The following HCN1 variants were observed in gnomAD, a reference collection of about 807,000 sequenced individuals.
HCN1 encodes the protein hyperpolarization activated cyclic nucleotide gated potassium channel 1, also known as potassium/sodium hyperpolarization-activated cyclic nucleotide-gated channel 1.
HCN1 carries 13 observed loss-of-function variants against 78.9 expected under a neutral mutation model. That is an observed-to-expected ratio of 0.16 (90% CI 0.11 to 0.26). The LOEUF (loss-of-function observed/expected upper bound fraction) is 0.26, where lower values mean the gene tolerates loss of function less well. Ranked by LOEUF, HCN1 falls within the 10% of genes least tolerant of loss-of-function variation. HCN1 has a pLI of 1.00. For missense variants in HCN1, 810 were observed against 1,154.3 expected, an observed-to-expected ratio of 0.70 and a Z score of 4.32; for synonymous variants, 552 against 455.5, an observed-to-expected ratio of 1.21 and a Z score of -2.70.
intron 6 of HCN1, among the ~76,000 whole-genome samples, chr5:45,276,610 T>A (rs900963055): frequency 6.6e-6 from 1 of 152,108 alleles, no homozygotes; most frequent in Non-Finnish European, 1.5e-5. Context: ...ACCTGTACCT[T>A]AGGCAATTGT....
At position 45,374,020 on chromosome 5, in the gene HCN1, T is replaced by A. The variant is rs187749316; in HGVS notation, c.1231-20774A>T. On this transcript the variant is annotated intron_variant, in intron 4 of 7. Transcript: ENST00000303230. ...TATATATTATATACATAATATATAT[T>A]ATATATATTATATACATAATATATA... Among the ~76,000 whole-genome samples the A allele has an allele frequency of 4.3e-3, 346 of 81,090 alleles. 2 individuals carry two copies. Among genetic ancestry groups the A allele is most frequent in the Middle Eastern group, 0.019 (1 of 52 alleles). 53.2% of individuals were successfully genotyped at this position (81,090 alleles called of 152,430 possible). A position where few individuals can be genotyped will look rare whatever the true frequency, so the allele number is the denominator to read the frequency against.
At chr5:45,397,197 T>C (rs1739703461) in intron 3 of HCN1, among the ~76,000 whole-genome samples, 2 of 152,148 alleles carry the variant, frequency 1.3e-5, no homozygotes. Flanking sequence ...ACTACAACTT[T>C]CCTTAAATAA....
intron 5 of HCN1, among the ~76,000 whole-genome samples, chr5:45,334,463 T>A (rs1393891025): frequency 1.3e-5 from 2 of 151,894 alleles, no homozygotes; most frequent in African/African-American, 4.8e-5. Context: ...AGTCTTCTTT[T>A]CTCCGCTAAT....
intron 7 of HCN1, among the ~76,000 whole-genome samples, chr5:45,264,813 A>T (rs1394453027): frequency 1.3e-5 from 2 of 152,260 alleles, no homozygotes; most frequent in Non-Finnish European, 2.9e-5. Context: ...TGTTATAAAG[A>T]TCAAAAATTC....
intron 2 of HCN1, among the ~76,000 whole-genome samples, chr5:45,611,930 A>T (rs915879711): frequency 4.6e-5 from 7 of 152,134 alleles, no homozygotes; most frequent in Non-Finnish European, 5.9e-5. Flanking sequence ...CTGAAAAAAA[A>T]ATATAGATCT....
chr5:45,604,318 G>T (rs2111968770), intron 2 of HCN1, among the ~76,000 whole-genome samples: 1 of 151,964 alleles, frequency 6.6e-6, no homozygotes, highest in Non-Finnish European at 1.5e-5. Context: ...AAGTGGCAGT[G>T]CCAAGATTAC....
intron 6 of HCN1, among the ~76,000 whole-genome samples, chr5:45,303,207 C>T (rs1745662309): frequency 6.6e-6 from 1 of 152,076 alleles, no homozygotes; most frequent in South Asian, 2.1e-4. Context: ...TTCATTTCTT[C>T]TATTATTTCT....
At chr5:45,323,646 T>C (rs1245814912) in intron 5 of HCN1, among the ~76,000 whole-genome samples, 1 of 152,036 alleles carries the variant, frequency 6.6e-6, no homozygotes, top group East Asian at 1.9e-4. Flanking sequence ...ACATGTGCCA[T>C]GTTGCTGTGC....
At chr5:45,455,050 TTG>T (rs1286391389) in intron 3 of HCN1, among the ~76,000 whole-genome samples, 1 of 152,030 alleles carries the variant, frequency 6.6e-6, no homozygotes, top group Non-Finnish European at 1.5e-5. Context: ...TCTCTCTATT[TTG>T]TGTCTCCCTG....
chr5:45,627,854 A>G (rs1481737527), intron 2 of HCN1, among the ~76,000 whole-genome samples: 1 of 152,182 alleles, frequency 6.6e-6, no homozygotes. Context: ...TACAAGAAAA[A>G]TGTCATAACA....
At chr5:45,270,120 C>T (rs1744932147) in intron 6 of HCN1, among the ~76,000 whole-genome samples, 1 of 152,152 alleles carries the variant, frequency 6.6e-6, no homozygotes, top group Non-Finnish European at 1.5e-5. Flanking sequence ...TTTCCTTGGC[C>T]TTCTTCTCAT....
rs931346988 is a variant in HCN1 at position 45,573,376 on chromosome 5, A to T, written c.849+71809T>A. Among the ~76,000 whole-genome samples the T allele has an allele frequency of 8.5e-5, 13 of 152,072 alleles. No individual in the cohort carries two copies. In the East Asian group the frequency reaches 1.7e-3, roughly 20 times the overall value. On this transcript the variant is annotated intron_variant, in intron 2 of 7. Transcript: ENST00000303230. ...CATTAGGGAAACTGCATTTTCTGCTACCAAAATCCCATTGCTAATAGTGTC... is the reference window on the plus strand; with the variant it reads ...CATTAGGGAAACTGCATTTTCTGCTTCCAAAATCCCATTGCTAATAGTGTC...
At chr5:45,593,185 C>G (rs543630479) in intron 2 of HCN1, among the ~76,000 whole-genome samples, 8 of 149,976 alleles carry the variant, frequency 5.3e-5, no homozygotes, top group African/African-American at 1.9e-4. Context: ...TTAGTCCTTA[C>G]AGTTGCACGC....
chr5:45,363,865 C>T (rs1747176096), intron 4 of HCN1, among the ~76,000 whole-genome samples: 2 of 151,970 alleles, frequency 1.3e-5, no homozygotes, highest in Admixed American at 1.3e-4. Flanking sequence ...ACTGTAAGTC[C>T]AATTAAATCT....
chr5:45,285,715 A>T (rs1226263514), intron 6 of HCN1, among the ~76,000 whole-genome samples: 4 of 152,008 alleles, frequency 2.6e-5, no homozygotes, highest in African/African-American at 7.2e-5. Context: ...TGATTTAAAG[A>T]TGTTCCTAAT....
intron 5 of HCN1, among the ~76,000 whole-genome samples, chr5:45,313,135 C>A (rs1579801629): frequency 6.6e-6 from 1 of 152,280 alleles, no homozygotes; most frequent in East Asian, 1.9e-4. Context: ...CAGACTGACA[C>A]CTCACACGGC....
rs557723600 is a variant in HCN1, at chr5:45,322,929, T to C, written c.1378-19090A>G. ...GCAGTCTGTTCCTTGAGCAACCTTG[T>C]CTGATATAATAGTTCCTAATTGCAT... is the stretch of plus-strand genomic sequence containing the variant. On this transcript the variant is annotated intron_variant, in intron 5 of 7. Transcript: ENST00000303230. Among the ~76,000 whole-genome samples, 28 of 151,958 alleles carry C rather than the reference T, an allele frequency of 1.8e-4. No individual in the cohort carries two copies. The Middle Eastern group carries it at 0.01, about 55-fold the overall frequency.
At chr5:45,562,084 A>C (rs1429975505) in intron 2 of HCN1, among the ~76,000 whole-genome samples, 1 of 152,044 alleles carries the variant, frequency 6.6e-6, no homozygotes, top group Non-Finnish European at 1.5e-5. Context: ...TAGTCAGTTG[A>C]ACAGAAGTAC....
chr5:45,385,778 C>T (rs1023980845), intron 4 of HCN1, among the ~76,000 whole-genome samples: 3 of 152,120 alleles, frequency 2.0e-5, no homozygotes, highest in African/African-American at 7.2e-5. Context: ...TAAAATTCCA[C>T]AATTACCACA....
Sources: gnomAD v4.1 joint callset for allele counts (sites outside exome capture counted in the v4.1 genomes callset) on GRCh38, gnomAD v4.1.1 for gene constraint, MANE v1.5 for transcripts, NCBI Gene and HGNC (gene_info 2026-07-23, HGNC 2026-07-21) for gene names.